Variants in SMURF2 observed in about 807,000 individuals in gnomAD.
The protein encoded by SMURF2 is SMAD specific E3 ubiquitin protein ligase 2, also known as E3 ubiquitin-protein ligase SMURF2.
Under a neutral mutation model 109.6 loss-of-function variants are expected in SMURF2, and 48 were observed. The observed-to-expected ratio is 0.44, with a 90% CI of 0.35 to 0.56. SMURF2 has a LOEUF of 0.56. SMURF2 is among the 20% of genes least tolerant of loss of function. The pLI is 0.01. For synonymous variants in SMURF2, 288 were observed against 317.1 expected, an observed-to-expected ratio of 0.91 and a Z score of 0.97; for missense variants, 575 against 909.0, an observed-to-expected ratio of 0.63 and a Z score of 4.72.
At chr17:64,631,056 C>T (rs1243982319) in intron 1 of SMURF2, among the ~76,000 whole-genome samples, 1 of 151,624 alleles carries the variant, frequency 6.6e-6, no homozygotes, top group East Asian at 1.9e-4. Flanking sequence ...AATCCCAGCA[C>T]TCTGGGAGGC....
At chr17:64,619,249 C>T (rs777099212) in intron 1 of SMURF2, among the ~76,000 whole-genome samples, 3 of 151,814 alleles carry the variant, frequency 2.0e-5, no homozygotes, top group African/African-American at 7.3e-5. Flanking sequence ...GAGGCCGAGG[C>T]GGGCAGATCA....
intron 2 of SMURF2, among the ~76,000 whole-genome samples, chr17:64,602,493 A>G (rs1373190278): frequency 6.6e-6 from 1 of 152,174 alleles, no homozygotes; most frequent in African/African-American, 2.4e-5. Context: ...CATAGGTTTC[A>G]ACTTAACCTG....
chr17:64,662,040 C>T lies in SMURF2; in HGVS notation c.-160G>A, dbSNP rs1243107729. ...TGTGCCGAGAGTCGTCGCCATGAGC[C>T]GCGGAGGGAGCGGGACGCCGAGCTC... is the stretch of plus-strand genomic sequence containing the variant. On this transcript the variant is annotated 5_prime_UTR_variant, in exon 1 of 19. Transcript: ENST00000262435. The T allele has an allele frequency of 1.8e-6, 2 of 1,114,454 alleles. No homozygotes were observed. The highest frequency in any genetic ancestry group is 9.7e-5 in the East Asian group (2 of 20,678). 69.0% of individuals were successfully genotyped at this position (1,114,454 alleles called of 1,614,324 possible).
intron 9 of SMURF2, 44 bp from the exon 10 acceptor site, chr17:64,572,000 C>G (rs1969405564): frequency 6.5e-7 from 1 of 1,540,326 alleles, no homozygotes; most frequent in Non-Finnish European, 8.8e-7. Context: ...ATTGCTCGCC[C>G]TGCTGAACCA....
chr17:64,621,974 AATAATAATAAT>A (rs1970211372), intron 1 of SMURF2, among the ~76,000 whole-genome samples: 2 of 144,802 alleles, frequency 1.4e-5, no homozygotes, highest in African/African-American at 2.5e-5. Context: ...TAATAATAAT[AATAATAATAAT>A]AAAAAAAAGC....
rs1265702436 is a variant in SMURF2 at position 64,659,195 on chromosome 17, G to C, written c.52+2634C>G. On this transcript the variant is annotated intron_variant, in intron 1 of 18. Transcript: ENST00000262435. Reference sequence around the variant, plus strand: ...TGTGAGTGTGTGCATCACCATGTAAGAAATGTTTATACCTTTCAGCAAAGG... The same window carrying C: ...TGTGAGTGTGTGCATCACCATGTAACAAATGTTTATACCTTTCAGCAAAGG... Among the ~76,000 whole-genome samples the C allele has an allele frequency of 2.6e-5, 4 of 152,048 alleles. No homozygotes were observed. The East Asian group carries it at 7.7e-4, about 29-fold the overall frequency.
intron 1 of SMURF2, among the ~76,000 whole-genome samples, chr17:64,615,890 C>T (rs992384367): frequency 5.3e-5 from 8 of 151,932 alleles, no homozygotes; most frequent in African/African-American, 1.5e-4. Context: ...AGTGCAATGG[C>T]GCGATCTCAG....
At chr17:64,649,246 T>G (rs1328460426) in intron 1 of SMURF2, among the ~76,000 whole-genome samples, 3 of 152,180 alleles carry the variant, frequency 2.0e-5, no homozygotes, top group African/African-American at 4.8e-5. Context: ...GACTTTGGGT[T>G]TCAGTTTTAC....
chr17:64,652,647 T>C (rs1362921518), intron 1 of SMURF2, among the ~76,000 whole-genome samples: 1 of 152,162 alleles, frequency 6.6e-6, no homozygotes, highest in Non-Finnish European at 1.5e-5. Context: ...GCCACACACC[T>C]GGCTAATTTT....
At chr17:64,655,722 A>G (rs922880942) in intron 1 of SMURF2, among the ~76,000 whole-genome samples, 7 of 151,820 alleles carry the variant, frequency 4.6e-5, no homozygotes, top group African/African-American at 1.7e-4. Context: ...ACCCATCTCC[A>G]CCCAAAAAAA....
At chr17:64,586,222 TATA>T in intron 5 of SMURF2, 52 bp from the exon 6 acceptor site, 1 of 1,219,296 alleles carries the variant, frequency 8.2e-7, no homozygotes, top group South Asian at 1.5e-5. Context: ...AAAGAACTAT[TATA>T]ATCTAAAATT....
intron 1 of SMURF2, among the ~76,000 whole-genome samples, chr17:64,628,794 T>C (rs986836066): frequency 6.6e-5 from 10 of 152,196 alleles, no homozygotes; most frequent in Admixed American, 2.6e-4. Flanking sequence ...CTTTAACTCA[T>C]CTGCTAGAAT....
At chr17:64,661,573 C>T (rs1415477188) in intron 1 of SMURF2, among the ~76,000 whole-genome samples, 1 of 152,162 alleles carries the variant, frequency 6.6e-6, no homozygotes, top group Non-Finnish European at 1.5e-5. Flanking sequence ...GACCTGAAAT[C>T]CGCCTGCGAT....
chr17:64,599,800 T>C (rs1969868963), intron 2 of SMURF2, among the ~76,000 whole-genome samples: 1 of 152,076 alleles, frequency 6.6e-6, no homozygotes, highest in Non-Finnish European at 1.5e-5. Flanking sequence ...GTGCCGAAGG[T>C]TGGGGGCTGC....
rs782562876 is a variant in SMURF2, at chr17:64,586,211, G to C, written c.401-41C>G. ...AATATTACTAAGATTCATACAACTA[G>C]AAAGAACTATTATAATCTAAAATTT... On this transcript the variant is annotated intron_variant, in intron 5 of 18. Coordinates refer to ENST00000262435, the MANE Select transcript of SMURF2 (RefSeq NM_022739.4). 1.1e-4 allele frequency: 141 copies of C among 1,318,976 alleles called. 2 individuals are homozygous for C. In the South Asian group the frequency reaches 1.7e-3, roughly 16 times the overall value. 81.7% of individuals were successfully genotyped at this position (1,318,976 alleles called of 1,614,324 possible).
chr17:64,561,477 T>C, intron 12 of SMURF2, 23 bp downstream of exon 12: 1 of 1,516,052 alleles, frequency 6.6e-7, no homozygotes, highest in Non-Finnish European at 9.2e-7. Context: ...CCATATGTCA[T>C]AAGCTGGCAA....
chr17:64,648,338 A>G (rs185102858), intron 1 of SMURF2, among the ~76,000 whole-genome samples: 5 of 152,256 alleles, frequency 3.3e-5, no homozygotes, highest in Admixed American at 3.3e-4. Flanking sequence ...ACAAATGAAC[A>G]CTTCAGTCCT....
intron 6 of SMURF2, 43 bp from the exon 7 acceptor site, chr17:64,583,587 TGG>T: frequency 6.8e-7 from 1 of 1,468,156 alleles, no homozygotes. Context: ...ATAGGAAACT[TGG>T]ACACAGTGCA....
rs1969244522 is a variant in SMURF2 at position 64,562,942 on chromosome 17, T to C, written c.1041A>G (p.Gln347=). The C allele has an allele frequency of 4.3e-6, 7 of 1,613,764 alleles. No homozygotes were observed. Among genetic ancestry groups the C allele is most frequent in the South Asian group, 1.1e-5 (1 of 90,970 alleles). The part of the protein sequence containing the change: ...VLNRQNQLKD[Q]QQQQVVSLCP... ...ATAACGATACCACTTGCTGTTGCTGTTGGTCTTTCAATTGGTTCTGCCGAC... is the reference window on the plus strand; with the variant it reads ...ATAACGATACCACTTGCTGTTGCTGCTGGTCTTTCAATTGGTTCTGCCGAC... Residue 347 remains glutamine (Q), a synonymous_variant, in exon 11 of 19, where the codon CAA becomes CAG. Coordinates refer to ENST00000262435, the MANE Select transcript of SMURF2 (RefSeq NM_022739.4).
Sources: allele counts gnomAD v4.1 joint callset (sites outside exome capture counted in the v4.1 genomes callset), GRCh38; gene constraint gnomAD v4.1.1; transcripts MANE v1.5; gene names NCBI Gene and HGNC (gene_info 2026-07-23, HGNC 2026-07-21).